Variants in GBP2 observed in about 807,000 individuals in gnomAD.
GBP2 encodes guanylate-binding protein 2.
GBP2 carries 54 observed loss-of-function variants against 60.8 expected under a neutral mutation model. That is an observed-to-expected ratio of 0.89 (90% CI 0.71 to 1.11). The LOEUF (loss-of-function observed/expected upper bound fraction) is 1.11, where lower values mean the gene tolerates loss of function less well. Ranked by LOEUF, GBP2 falls within the 50% of genes most tolerant of loss-of-function variation. GBP2 has a pLI of 0.00. For missense variants in GBP2, 665 were observed against 703.3 expected (o/e 0.95, Z 0.62); for synonymous variants, 243 against 256.5 (o/e 0.95, Z 0.50).
chr1:89,110,304 A>C, intron 8 of GBP2, 38 bp from the exon 9 acceptor site: 1 of 1,503,746 alleles, frequency 6.7e-7, no homozygotes, highest in South Asian at 1.1e-5. Flanking sequence ...AGAAAGAGTG[A>C]TTGTGGGTTA....
rs756471807 is a variant in GBP2, at chr1:89,121,210, G to A, written c.251C>T (p.Pro84Leu). ...GGTGTGTTCTGGCTTCTTGGGATGA[G>A]GCACACACCACATCCAGATTCCCTT... The part of the protein sequence containing the change: ...HTKGIWMWCV[P>L]HPKKPEHTLV... The change falls in exon 3 of 11, where the codon CCT becomes CTT. Residue 84 changes from proline (P) to leucine (L), a missense_variant. Pro to Leu is a moderately conservative substitution (Grantham distance 98, BLOSUM62 -3). Coordinates refer to ENST00000370466, the MANE Select transcript of GBP2 (RefSeq NM_004120.5). 3 of 1,612,626 alleles carry A rather than the reference G, an allele frequency of 1.9e-6. No homozygotes were observed. The highest frequency in any genetic ancestry group is 2.5e-6 in the Non-Finnish European group (3 of 1,179,110).
At chr1:89,114,848 C>T (rs1681237531) in intron 6 of GBP2, among the ~76,000 whole-genome samples, 1 of 152,164 alleles carries the variant, frequency 6.6e-6, no homozygotes, top group African/African-American at 2.4e-5. Flanking sequence ...TGGTTGATCA[C>T]ACAACAAAAG....
At chr1:89,108,893 A>T (rs1557437002) in intron 10 of GBP2, among the ~76,000 whole-genome samples, 1 of 82,742 alleles carries the variant, frequency 1.2e-5, no homozygotes. Context: ...TGGTTAGGGA[A>T]TCTTTCTTTT....
rs778725285 is a variant in GBP2, at chr1:89,121,997, A to G, written c.-17-14T>C. ...GGGTGTTGTTCCCTTGTGTGCAAGGAAAAAGATGAAATGGAAAGCAGTTTT... is the reference window on the plus strand; with the variant it reads ...GGGTGTTGTTCCCTTGTGTGCAAGGGAAAAGATGAAATGGAAAGCAGTTTT... On this transcript the variant is annotated splice_polypyrimidine_tract_variant and intron_variant, in intron 1 of 10. Transcript: ENST00000370466. 115 of 1,551,460 alleles carry G rather than the reference A, an allele frequency of 7.4e-5. No individual in the cohort carries two copies. The highest frequency in any genetic ancestry group is 9.3e-5 in the Non-Finnish European group (106 of 1,145,160).
intron 7 of GBP2, among the ~76,000 whole-genome samples, chr1:89,113,282 G>A (rs901825435): frequency 3.3e-5 from 5 of 152,218 alleles, no homozygotes; most frequent in Non-Finnish European, 5.9e-5. Flanking sequence ...AAGTAATGAA[G>A]ATTGTGCCAT....
intron 10 of GBP2, among the ~76,000 whole-genome samples, chr1:89,109,235 A>G (rs897950885): frequency 1.3e-5 from 2 of 152,158 alleles, no homozygotes; most frequent in Admixed American, 6.5e-5. Context: ...GCTTCCAGAC[A>G]TAAAGTCTTA....
chr1:89,119,034 A>G (rs894657715), intron 4 of GBP2: 1 of 152,218 alleles, frequency 6.6e-6, no homozygotes, highest in African/African-American at 2.4e-5. Flanking sequence ...TGCTACTGAA[A>G]GCCTTGAAGC....
rs956020913 is a variant in GBP2, at chr1:89,111,958, T to C, written c.1362+514A>G. 2.6e-5 allele frequency among the ~76,000 whole-genome samples: 4 copies of C among 152,108 alleles called. No homozygotes were observed. The East Asian group carries it at 7.7e-4, about 29-fold the overall frequency. On this transcript the variant is annotated intron_variant, in intron 8 of 10. Coordinates refer to ENST00000370466, the MANE Select transcript of GBP2 (RefSeq NM_004120.5). ...TATGTACCATATGTACCCACAAAAG[T>C]AAAAAAATAAAAAAATTACAAATTT...
Position 89,110,221 on chromosome 1 carries a change from C to A in GBP2, c.1408G>T (p.Ala470Ser). 6.2e-7 allele frequency: 1 copy of A among 1,613,874 alleles called. No homozygotes were observed. The highest frequency in any genetic ancestry group is 8.5e-7 in the Non-Finnish European group (1 of 1,179,908). Residue 470 changes from alanine to serine, a missense_variant, in exon 9 of 11, where the codon GCT becomes TCT. Transcript: ENST00000370466. ...KKYLESKEDV[A>S]DALLQTDQSL... ...TGATCAGTCTGTAGAAGTGCATCAG[C>A]CACATCCTCCTTGGACTCCAAATAT...
At chr1:89,111,446 A>G (rs1681161577) in intron 8 of GBP2, among the ~76,000 whole-genome samples, 1 of 152,212 alleles carries the variant, frequency 6.6e-6, no homozygotes, top group Non-Finnish European at 1.5e-5. Flanking sequence ...GAACTGATAA[A>G]CAAAAATAAG....
chr1:89,116,944 G>GCAGAAGGAGA (rs1424848788), intron 6 of GBP2, 48 bp downstream of exon 6: 1 of 1,601,738 alleles, frequency 6.2e-7, no homozygotes, highest in African/African-American at 1.3e-5. Flanking sequence ...TCTACAATGG[G>GCAGAAGGAGA]CAGAAGGAGA....
intron 8 of GBP2, among the ~76,000 whole-genome samples, chr1:89,111,121 A>T (rs938656082): frequency 1.3e-5 from 2 of 152,240 alleles, no homozygotes; most frequent in African/African-American, 2.4e-5. Flanking sequence ...TTAATAAAAC[A>T]TTAAAAAAAC....
At chr1:89,108,944 G>A (rs531002661) in intron 10 of GBP2, among the ~76,000 whole-genome samples, 1 of 150,050 alleles carries the variant, frequency 6.7e-6, no homozygotes, top group Non-Finnish European at 1.5e-5. Context: ...TGCCCAGGCT[G>A]GAGTGCAATG....
intron 4 of GBP2, chr1:89,117,993 G>A: frequency 2.3e-6 from 1 of 437,308 alleles, no homozygotes; most frequent in Non-Finnish European, 4.1e-6. Flanking sequence ...ATGAGACAAT[G>A]CTACCACTAT....
intron 8 of GBP2, among the ~76,000 whole-genome samples, chr1:89,111,649 A>AGGGGGG (rs1681169030): frequency 2.7e-5 from 1 of 37,650 alleles, no homozygotes; most frequent in Non-Finnish European, 5.2e-5. Context: ...GGGGGGAGGG[A>AGGGGGG]GGTGGGGATG....
At chr1:89,121,344 A>T in intron 2 of GBP2, 74 bp from the exon 3 acceptor site, 1 of 1,331,630 alleles carries the variant, frequency 7.5e-7, no homozygotes. Context: ...AAAAGTTAAC[A>T]TAATTGAAGT....
Position 89,120,163 on chromosome 1 carries a change from C to T in GBP2, c.428+16G>A, listed in dbSNP as rs765687608. Reference sequence around the variant, plus strand: ...TTTCTAGGTTTACTGCTGTTCTGGACCACAAAAAAGGATACTGAAGTTGGT... The same window carrying T: ...TTTCTAGGTTTACTGCTGTTCTGGATCACAAAAAAGGATACTGAAGTTGGT... On this transcript the variant is annotated intron_variant, in intron 4 of 10. Coordinates refer to ENST00000370466, the MANE Select transcript of GBP2 (RefSeq NM_004120.5). 2 of 1,591,820 alleles carry T rather than the reference C, an allele frequency of 1.3e-6. No individual in the cohort carries two copies. The highest frequency in any genetic ancestry group is 1.7e-5 in the Admixed American group (1 of 59,946).
chr1:89,124,300 G>A (rs1026909486), intron 1 of GBP2, among the ~76,000 whole-genome samples: 2 of 152,162 alleles, frequency 1.3e-5, no homozygotes, highest in East Asian at 1.9e-4. Context: ...ATTTTATTTT[G>A]TTGGATATTG....
At chr1:89,121,320 C>A in intron 2 of GBP2, 50 bp from the exon 3 acceptor site, 1 of 1,479,708 alleles carries the variant, frequency 6.8e-7, no homozygotes, top group South Asian at 1.3e-5. Flanking sequence ...GTAGGTGTTT[C>A]TGGAAATTGA....
Sources: allele counts gnomAD v4.1 joint callset (sites outside exome capture counted in the v4.1 genomes callset), GRCh38; gene constraint gnomAD v4.1.1; transcripts MANE v1.5; gene names NCBI Gene and HGNC (gene_info 2026-07-23, HGNC 2026-07-21).